Variants in NEGR1 observed in about 807,000 individuals in gnomAD.
NEGR1 encodes IgLON family member 4.
A neutral mutation model predicts 40.9 loss-of-function variants in NEGR1; 10 were observed. The observed-to-expected ratio is 0.24, with a 90% CI of 0.15 to 0.42. The LOEUF is 0.42. NEGR1 is among the 10% of genes least tolerant of loss of function. NEGR1 has a pLI of 1.00. For missense variants in NEGR1, 352 were observed against 438.9 expected, an observed-to-expected ratio of 0.80 and a Z score of 1.77; for synonymous variants, 185 against 166.8, an observed-to-expected ratio of 1.11 and a Z score of -0.84.
intron 1 of NEGR1, among the ~76,000 whole-genome samples, chr1:72,109,618 G>A (rs547953709): frequency 2.0e-5 from 3 of 151,468 alleles, no homozygotes; most frequent in African/African-American, 7.3e-5. Context: ...ATTTGCTTCA[G>A]AAATTTCATG....
chr1:71,792,257 T>C (rs895946703), intron 2 of NEGR1, among the ~76,000 whole-genome samples: 1 of 152,182 alleles, frequency 6.6e-6, no homozygotes, highest in African/African-American at 2.4e-5. Context: ...TGGCTGGTTG[T>C]ATGTTGGTTT....
chr1:71,591,429 C>T (rs1287569293), intron 6 of NEGR1, among the ~76,000 whole-genome samples: 2 of 152,078 alleles, frequency 1.3e-5, no homozygotes, highest in African/African-American at 2.4e-5. Flanking sequence ...AATAGCAAAA[C>T]GTAATATGTT....
chr1:72,237,419 C>T (rs1654585827), intron 1 of NEGR1, among the ~76,000 whole-genome samples: 1 of 151,902 alleles, frequency 6.6e-6, no homozygotes, highest in South Asian at 2.1e-4. Flanking sequence ...AGAAGTCCAA[C>T]ATAAAGGCAC....
intron 2 of NEGR1, among the ~76,000 whole-genome samples, chr1:71,781,267 T>TA (rs1557650202): frequency 6.6e-6 from 1 of 152,128 alleles, no homozygotes; most frequent in African/African-American, 2.4e-5. Context: ...AGTTTTTATC[T>TA]AAAAAAATCT....
chr1:72,002,820 T>C (rs1646569563), intron 1 of NEGR1, among the ~76,000 whole-genome samples: 1 of 152,184 alleles, frequency 6.6e-6, no homozygotes, highest in Non-Finnish European at 1.5e-5. Flanking sequence ...TTACCACATA[T>C]CTCTCATGGA....
intron 1 of NEGR1, among the ~76,000 whole-genome samples, chr1:72,150,034 A>C (rs1570044439): frequency 6.6e-6 from 1 of 152,010 alleles, no homozygotes; most frequent in African/African-American, 2.4e-5. Context: ...ACATATCTTC[A>C]TGTTGTTGTC....
chr1:71,837,357 G>T (rs1570414380), intron 2 of NEGR1, among the ~76,000 whole-genome samples: 2 of 152,236 alleles, frequency 1.3e-5, no homozygotes, highest in East Asian at 3.9e-4. Flanking sequence ...CAAGTTGGCA[G>T]CTGTTAAGAG....
intron 4 of NEGR1, among the ~76,000 whole-genome samples, chr1:71,634,224 T>G (rs1268460450): frequency 6.6e-6 from 1 of 151,976 alleles, no homozygotes; most frequent in Admixed American, 6.6e-5. Flanking sequence ...ATAAATAACA[T>G]AGAAACAGAG....
intron 5 of NEGR1, among the ~76,000 whole-genome samples, chr1:71,605,337 A>C (rs1212921383): frequency 6.6e-6 from 1 of 152,142 alleles, no homozygotes; most frequent in Non-Finnish European, 1.5e-5. Context: ...GGTCATGAGA[A>C]ATCAGAAAGC....
intron 1 of NEGR1, among the ~76,000 whole-genome samples, chr1:72,099,070 T>C (rs1167483776): frequency 6.6e-6 from 1 of 151,922 alleles, no homozygotes; most frequent in South Asian, 2.1e-4. Flanking sequence ...TATAATCAAA[T>C]TTTATTAACA....
At chr1:72,255,022 C>T (rs1457086813) in intron 1 of NEGR1, among the ~76,000 whole-genome samples, 1 of 152,012 alleles carries the variant, frequency 6.6e-6, no homozygotes, top group Non-Finnish European at 1.5e-5. Flanking sequence ...ACCCATTATC[C>T]ACATTAGATT....
intron 3 of NEGR1, among the ~76,000 whole-genome samples, chr1:71,757,167 C>G (rs775129135): frequency 2.0e-5 from 3 of 152,048 alleles, no homozygotes; most frequent in Non-Finnish European, 4.4e-5. Flanking sequence ...TTCACCATTT[C>G]ATGAGATATT....
intron 4 of NEGR1, among the ~76,000 whole-genome samples, chr1:71,671,979 C>T (rs1302677796): frequency 6.7e-6 from 1 of 150,034 alleles, no homozygotes; most frequent in South Asian, 2.1e-4. Context: ...AATGATCCTC[C>T]TGCCTCAGCC....
At chr1:72,125,508 A>G (rs1361051558) in intron 1 of NEGR1, among the ~76,000 whole-genome samples, 2 of 152,094 alleles carry the variant, frequency 1.3e-5, no homozygotes, top group Non-Finnish European at 2.9e-5. Context: ...GCATAGGCTT[A>G]TTATTTGTAA....
chr1:71,844,648 T>A (rs1437179052), intron 2 of NEGR1, among the ~76,000 whole-genome samples: 1 of 152,186 alleles, frequency 6.6e-6, no homozygotes, highest in African/African-American at 2.4e-5. Flanking sequence ...TTGTTCAATC[T>A]AGACTAGCAG....
At chr1:71,727,233 T>C (rs1654703486) in intron 3 of NEGR1, among the ~76,000 whole-genome samples, 1 of 152,176 alleles carries the variant, frequency 6.6e-6, no homozygotes, top group Admixed American at 6.6e-5. Context: ...TTCTATTTCT[T>C]ATAATTTATA....
intron 6 of NEGR1, among the ~76,000 whole-genome samples, chr1:71,481,387 A>G (rs1557541139): frequency 6.6e-6 from 1 of 151,934 alleles, no homozygotes; most frequent in Non-Finnish European, 1.5e-5. Context: ...TGATTTTTCA[A>G]GACCTAAATT....
At chr1:71,555,571 A>G (rs1648227923) in intron 6 of NEGR1, among the ~76,000 whole-genome samples, 1 of 151,660 alleles carries the variant, frequency 6.6e-6, no homozygotes, top group Non-Finnish European at 1.5e-5. Flanking sequence ...ATTTGATAAG[A>G]GCACTGCTGA....
intron 6 of NEGR1, among the ~76,000 whole-genome samples, chr1:71,538,217 T>C (rs1647573502): frequency 6.6e-6 from 1 of 151,706 alleles, no homozygotes. Flanking sequence ...GAAGGAACCA[T>C]TTGTAATGGC....
Sources: allele counts gnomAD v4.1 joint callset (sites outside exome capture counted in the v4.1 genomes callset), GRCh38; gene constraint gnomAD v4.1.1; transcripts MANE v1.5; gene names NCBI Gene and HGNC (gene_info 2026-07-23, HGNC 2026-07-21).